HIVEP3: variants seen among roughly 807,000 people sequenced by gnomAD.
HIVEP3 encodes the protein HIVEP zinc finger 3.
In HIVEP3, 49 loss-of-function variants were observed where a neutral mutation model predicts 152.8. That is an observed-to-expected ratio of 0.32 (90% CI 0.26 to 0.41). HIVEP3 has a LOEUF of 0.41. Ranked by LOEUF, HIVEP3 falls within the 10% of genes least tolerant of loss-of-function variation. The pLI is 1.00. For synonymous variants in HIVEP3, 1,269 were observed against 1,289.0 expected (o/e 0.98, Z 0.33); for missense variants, 2,790 against 3,103.3 (o/e 0.90, Z 2.40).
intron 1 of HIVEP3, among the ~76,000 whole-genome samples, chr1:41,884,594 C>A (rs932790808): frequency 6.6e-5 from 10 of 152,220 alleles, no homozygotes; most frequent in African/African-American, 2.4e-4. Context: ...CCAATCCCAA[C>A]ATACTCAAAA....
rs1644393446 is a variant in HIVEP3 at position 41,507,347 on chromosome 1, G to A, written c.*3104C>T. 2 of 152,324 alleles carry A rather than the reference G, an allele frequency of 1.3e-5. No homozygotes were observed. Among genetic ancestry groups the A allele is most frequent in the Admixed American group, 1.3e-4 (2 of 15,280 alleles). The allele number at this position is 152,324 out of a possible 1,614,324, so 9.4% of individuals were successfully genotyped here. On this transcript the variant is annotated 3_prime_UTR_variant, in exon 9 of 9. Coordinates refer to ENST00000372583, the MANE Select transcript of HIVEP3 (RefSeq NM_024503.5). ...GGGTTGCAGGGGTTGAGCCCAGAGT[G>A]AGAGCCACAGGTGCGGGCGGGAGCA...
At chr1:41,790,953 A>G (rs1649655408) in intron 1 of HIVEP3, among the ~76,000 whole-genome samples, 1 of 152,104 alleles carries the variant, frequency 6.6e-6, no homozygotes, top group East Asian at 1.9e-4. Context: ...CCCACATCTA[A>G]TTAACCTTCC....
intron 1 of HIVEP3, among the ~76,000 whole-genome samples, chr1:41,725,618 G>T (rs1646740830): frequency 6.6e-6 from 1 of 152,242 alleles, no homozygotes; most frequent in Admixed American, 6.5e-5. Context: ...AACAGGTTCA[G>T]TGTCCAGCAT....
At chr1:41,961,285 C>G (rs1645168186) in intron 1 of HIVEP3, among the ~76,000 whole-genome samples, 2 of 152,206 alleles carry the variant, frequency 1.3e-5, no homozygotes, top group South Asian at 4.1e-4. Flanking sequence ...TGAGCCAGAC[C>G]ACTCAGCTAA....
At chr1:41,878,667 C>T (rs1410664707) in intron 1 of HIVEP3, among the ~76,000 whole-genome samples, 4 of 151,446 alleles carry the variant, frequency 2.6e-5, no homozygotes, top group African/African-American at 7.3e-5. Flanking sequence ...TCCTTCCTTC[C>T]TCTCTCCCTC....
intron 5 of HIVEP3, among the ~76,000 whole-genome samples, chr1:41,549,575 G>GT (rs1457304730): frequency 6.6e-6 from 1 of 152,200 alleles, no homozygotes; most frequent in African/African-American, 2.4e-5. Flanking sequence ...TCTAACTGGT[G>GT]TGAGATGGTA....
intron 4 of HIVEP3, among the ~76,000 whole-genome samples, chr1:41,576,811 A>C (rs1644333966): frequency 6.6e-6 from 1 of 152,158 alleles, no homozygotes; most frequent in Non-Finnish European, 1.5e-5. Context: ...TGGGCCTCAG[A>C]GTCTGAGGGG....
At chr1:41,876,032 A>T (rs527342935) in intron 1 of HIVEP3, among the ~76,000 whole-genome samples, 19 of 152,226 alleles carry the variant, frequency 1.2e-4, no homozygotes, top group African/African-American at 4.6e-4. Flanking sequence ...GGGTTCCTAT[A>T]AAGTGGACAA....
intron 1 of HIVEP3, among the ~76,000 whole-genome samples, chr1:41,789,879 G>T (rs991309474): frequency 6.6e-6 from 1 of 152,026 alleles, no homozygotes; most frequent in Non-Finnish European, 1.5e-5. Context: ...ACTCATCAAG[G>T]TCACATTTAA....
In HIVEP3 at chr1:41,513,231, C is replaced by G. The variant is rs1642493004; in HGVS notation, c.5990G>C (p.Cys1997Ser). 2 of 1,613,492 alleles carry G rather than the reference C, an allele frequency of 1.2e-6. No homozygotes were observed. Among genetic ancestry groups the G allele is most frequent in the South Asian group, 2.2e-5 (2 of 91,054 alleles). ...GGCCTGTGGTTCTCGGGCCGGGGAG[C>G]ATCGCTGGGGAGATGAGTCGTTTTT... ...LTKNDSSPQR[C>S]SPAREPQASA... Residue 1997 changes from cysteine to serine, a missense_variant, in exon 8 of 9, where the codon TGC becomes TCC. Physicochemically the swap from Cys to Ser is moderately radical, Grantham distance 112 (BLOSUM62 -1). Around this residue, in one of 9 missense-constraint regions of HIVEP3, gnomAD observed 816 missense variants for 806.5 expected, o/e 1.01. Transcript: ENST00000372583.
chr1:41,654,898 T>C (rs1250848177), intron 2 of HIVEP3, among the ~76,000 whole-genome samples: 3 of 152,132 alleles, frequency 2.0e-5, no homozygotes, highest in African/African-American at 2.4e-5. Context: ...AGTCCTGGGC[T>C]TGTCACCCCA....
chr1:41,536,782 C>T (rs1643412079), intron 5 of HIVEP3, among the ~76,000 whole-genome samples: 1 of 152,180 alleles, frequency 6.6e-6, no homozygotes, highest in African/African-American at 2.4e-5. Context: ...TGCATTACCT[C>T]ATTAAATCAC....
intron 1 of HIVEP3, among the ~76,000 whole-genome samples, chr1:41,885,557 G>A (rs904407832): frequency 7.2e-5 from 11 of 152,252 alleles, no homozygotes; most frequent in African/African-American, 9.6e-5. Flanking sequence ...TTCCAGCTAC[G>A]CGGAGGCTGA....
chr1:41,642,017 T>A (rs1645381172), intron 2 of HIVEP3, among the ~76,000 whole-genome samples: 1 of 152,228 alleles, frequency 6.6e-6, no homozygotes, highest in Admixed American at 6.5e-5. Context: ...AATCAGGTAG[T>A]GCACATAAAG....
At chr1:41,699,174 A>T in intron 2 of HIVEP3, among the ~76,000 whole-genome samples, 1 of 152,352 alleles carries the variant, frequency 6.6e-6, no homozygotes, top group Middle Eastern at 3.4e-3. Context: ...CACGTGGTGC[A>T]TACCGTGCTG....
chr1:41,577,317 G>A (rs1053567030), intron 4 of HIVEP3, among the ~76,000 whole-genome samples: 9 of 152,176 alleles, frequency 5.9e-5, no homozygotes, highest in South Asian at 2.1e-4. Context: ...AGTCCTATGC[G>A]CTAAGTGTTA....
chr1:41,568,103 G>C (rs1281446117), intron 5 of HIVEP3, among the ~76,000 whole-genome samples: 2 of 152,196 alleles, frequency 1.3e-5, no homozygotes, highest in Non-Finnish European at 2.9e-5. Context: ...CAGCACTGGG[G>C]ACACAGCAAT....
chr1:42,001,945 A>G (rs1645430616), intron 1 of HIVEP3, among the ~76,000 whole-genome samples: 1 of 151,914 alleles, frequency 6.6e-6, no homozygotes, highest in Non-Finnish European at 1.5e-5. Flanking sequence ...CCATTCCAGC[A>G]TATGTCCTGC....
intron 1 of HIVEP3, among the ~76,000 whole-genome samples, chr1:41,822,284 T>C (rs1008831412): frequency 2.0e-5 from 3 of 152,180 alleles, no homozygotes; most frequent in Non-Finnish European, 4.4e-5. Flanking sequence ...AGAACAGTAG[T>C]ATAAGCCACG....
Sources: gnomAD v4.1 joint callset for allele counts (sites outside exome capture counted in the v4.1 genomes callset) on GRCh38, gnomAD v4.1.1 for gene constraint, gnomAD v4.1.1 regional missense constraint, MANE v1.5 for transcripts, NCBI Gene and HGNC (gene_info 2026-07-23, HGNC 2026-07-21) for gene names.